Variants in EYA2 observed in about 807,000 individuals in gnomAD.
EYA2 encodes the protein EYA transcriptional coactivator and phosphatase 2, also known as protein phosphatase EYA2.
EYA2 carries 31 observed loss-of-function variants against 69.2 expected under a neutral mutation model. The ratio of observed to expected loss-of-function variants is 0.45; its 90% confidence interval spans 0.34 to 0.60. EYA2 has a LOEUF of 0.60. Ranked by LOEUF, EYA2 falls within the 20% of genes least tolerant of loss-of-function variation. The probability of loss-of-function intolerance (pLI) is 0.02; values close to 1 mark genes in which losing one functional copy is unlikely to be tolerated. For missense variants in EYA2, 622 were observed against 701.2 expected (o/e 0.89, Z 1.28); for synonymous variants, 257 against 279.4 (o/e 0.92, Z 0.80).
chr20:46,959,819 C>T (rs1979363605), intron 1 of EYA2, among the ~76,000 whole-genome samples: 1 of 152,166 alleles, frequency 6.6e-6, no homozygotes, highest in South Asian at 2.1e-4. Context: ...TCCAAGCATC[C>T]CTGTCATTGT....
intron 9 of EYA2, among the ~76,000 whole-genome samples, chr20:47,110,264 G>A (rs1366439404): frequency 1.3e-5 from 2 of 152,066 alleles, no homozygotes; most frequent in Non-Finnish European, 2.9e-5. Context: ...ATTTTTCTGC[G>A]ACAGGGTCTC....
At chr20:47,182,519 C>T (rs1389338718) in intron 14 of EYA2, among the ~76,000 whole-genome samples, 1 of 149,100 alleles carries the variant, frequency 6.7e-6, no homozygotes, top group Non-Finnish European at 1.5e-5. Flanking sequence ...ATCCCAGGTA[C>T]TTGGAAGGCT....
chr20:47,010,833 G>T (rs1983016835), intron 4 of EYA2, among the ~76,000 whole-genome samples: 1 of 148,170 alleles, frequency 6.7e-6, no homozygotes, highest in Non-Finnish European at 1.5e-5. Flanking sequence ...TGTCTCCCAG[G>T]TTGGAGTGCA....
At chr20:47,162,380 T>C (rs139680973) in intron 10 of EYA2, among the ~76,000 whole-genome samples, 1 of 152,314 alleles carries the variant, frequency 6.6e-6, no homozygotes, top group African/African-American at 2.4e-5. Context: ...CCCTGGCACA[T>C]TGAAAGCTTT....
chr20:47,156,536 G>T (rs563637351), intron 10 of EYA2, among the ~76,000 whole-genome samples: 2 of 151,748 alleles, frequency 1.3e-5, no homozygotes, highest in Non-Finnish European at 2.9e-5. Context: ...GGCAGCCATG[G>T]CTGCTTGCCT....
intron 1 of EYA2, among the ~76,000 whole-genome samples, chr20:46,912,546 C>A (rs867597791): frequency 2.6e-5 from 4 of 152,096 alleles, no homozygotes; most frequent in Middle Eastern, 3.4e-3. Flanking sequence ...CCTCATGGAG[C>A]TTTTGTTTAG....
intron 4 of EYA2, among the ~76,000 whole-genome samples, chr20:47,010,503 C>T (rs1982990294): frequency 6.6e-6 from 1 of 152,104 alleles, no homozygotes; most frequent in Non-Finnish European, 1.5e-5. Context: ...TGGTGGCACA[C>T]ACGTGCTCCC....
At chr20:47,088,320 C>T (rs79192633) in intron 7 of EYA2, among the ~76,000 whole-genome samples, 398 of 152,342 alleles carry the variant, frequency 2.6e-3, no homozygotes, top group African/African-American at 8.7e-3. Context: ...ATGCAGCCCC[C>T]GTTTACCTCT....
At chr20:47,185,689 G>A (rs1262156875) in intron 15 of EYA2, among the ~76,000 whole-genome samples, 1 of 152,118 alleles carries the variant, frequency 6.6e-6, no homozygotes, top group Non-Finnish European at 1.5e-5. Context: ...CCGGGATGAG[G>A]GCAGGGTGGG....
At chr20:47,159,631 G>C (rs1334563880) in intron 10 of EYA2, among the ~76,000 whole-genome samples, 1 of 152,026 alleles carries the variant, frequency 6.6e-6, no homozygotes, top group African/African-American at 2.4e-5. Context: ...GTTAACAAAA[G>C]GAGAAAGTGG....
chr20:47,160,535 G>C (rs1296618673), intron 10 of EYA2, among the ~76,000 whole-genome samples: 1 of 152,092 alleles, frequency 6.6e-6, no homozygotes, highest in Non-Finnish European at 1.5e-5. Context: ...TGGTCAGATT[G>C]TGGGTATATG....
At chr20:46,902,689 G>A (rs1984171319) in intron 1 of EYA2, among the ~76,000 whole-genome samples, 1 of 152,260 alleles carries the variant, frequency 6.6e-6, no homozygotes, top group African/African-American at 2.4e-5. Context: ...GGTTGAGAAA[G>A]TAAGAGACGC....
intron 1 of EYA2, among the ~76,000 whole-genome samples, chr20:46,968,684 T>A (rs1430363908): frequency 6.6e-6 from 1 of 152,100 alleles, no homozygotes; most frequent in Non-Finnish European, 1.5e-5. Context: ...TCCTGACTTC[T>A]ACCCACCGGA....
rs1283694124 is a variant in EYA2, at chr20:47,096,943, A to G, written c.805-142A>G. On this transcript the variant is annotated intron_variant, in intron 8 of 15. Coordinates refer to ENST00000327619, the MANE Select transcript of EYA2 (RefSeq NM_005244.5). ...ATAAGGTTGGATGGGGATTCATGAC[A>G]CATCAGTGAGTTACATGTTTTGTAA... 4.5e-6 allele frequency: 3 copies of G among 659,468 alleles called. No homozygotes were observed. The South Asian group carries it at 5.1e-5, about 11-fold the overall frequency. 40.9% of individuals were successfully genotyped at this position (659,468 alleles called of 1,614,324 possible).
intron 1 of EYA2, among the ~76,000 whole-genome samples, chr20:46,950,930 G>A (rs1360990650): frequency 1.3e-5 from 2 of 152,212 alleles, no homozygotes; most frequent in Non-Finnish European, 2.9e-5. Context: ...GTTACTCCCT[G>A]AGCATCTAAG....
At chr20:47,089,140 C>A in intron 7 of EYA2, 99 bp from the exon 8 acceptor site, 2 of 1,421,500 alleles carry the variant, frequency 1.4e-6, no homozygotes, top group Non-Finnish European at 1.9e-6. Context: ...TGCCTTGGAA[C>A]CCACTGCTTT....
intron 1 of EYA2, among the ~76,000 whole-genome samples, chr20:46,979,206 C>T (rs1041042551): frequency 1.3e-5 from 2 of 152,214 alleles, no homozygotes; most frequent in East Asian, 1.9e-4. Flanking sequence ...TGGGACCCTC[C>T]ATCTGCTTTT....
At chr20:46,963,446 A>G (rs911453224) in intron 1 of EYA2, among the ~76,000 whole-genome samples, 1 of 152,168 alleles carries the variant, frequency 6.6e-6, no homozygotes, top group Non-Finnish European at 1.5e-5. Context: ...AGAACCGACA[A>G]GGTCCCTGCC....
chr20:47,092,342 T>A lies in EYA2; in HGVS notation c.804+2961T>A, dbSNP rs555051817. The stretch of plus-strand genomic sequence containing the variant: ...TCCAGGGAATTCTGTCCTTGCTTTT[T>A]GCCTTGTTCTTAAAGCTCCATCCTT... On this transcript the variant is annotated intron_variant, in intron 8 of 15. Transcript: ENST00000327619. 6.6e-5 allele frequency among the ~76,000 whole-genome samples: 10 copies of A among 152,314 alleles called. No individual in the cohort carries two copies. The South Asian group carries it at 1.5e-3, about 22-fold the overall frequency.
Sources: allele counts gnomAD v4.1 joint callset (sites outside exome capture counted in the v4.1 genomes callset), GRCh38; gene constraint gnomAD v4.1.1; transcripts MANE v1.5; gene names NCBI Gene and HGNC (gene_info 2026-07-23, HGNC 2026-07-21).